The following CAMK1D variants were observed in gnomAD, a reference collection of about 807,000 sequenced individuals.
The protein encoded by CAMK1D is calcium/calmodulin-dependent protein kinase type 1D.
CAMK1D carries 9 observed loss-of-function variants against 47.7 expected under a neutral mutation model. The ratio of observed to expected loss-of-function variants is 0.19; its 90% confidence interval spans 0.11 to 0.33. CAMK1D has a LOEUF of 0.33. Among genes scored for constraint, CAMK1D ranks in the 10% least tolerant of loss-of-function variants. The pLI, the probability that CAMK1D is intolerant of heterozygous loss-of-function variation, is 1.00. For missense variants in CAMK1D, 291 were observed against 488.7 expected, an observed-to-expected ratio of 0.60 and a Z score of 3.81; for synonymous variants, 184 against 184.9, an observed-to-expected ratio of 0.99 and a Z score of 0.04.
rs1466491879 is a variant in CAMK1D, at chr10:12,531,731, T to G, written c.93-21494T>G. Among the ~76,000 whole-genome samples, 3 of 152,236 alleles carry G rather than the reference T, an allele frequency of 2.0e-5. No homozygotes were observed. The East Asian group carries it at 5.8e-4, about 29-fold the overall frequency. On this transcript the variant is annotated intron_variant, in intron 1 of 10. Coordinates refer to ENST00000619168, the MANE Select transcript of CAMK1D (RefSeq NM_153498.4). ...ACTGAGGAATAAGACTTAAAACTGC[T>G]GTCCCCTGACATCGCCCGGCCTGTC...
intron 1 of CAMK1D, among the ~76,000 whole-genome samples, chr10:12,450,621 G>T (rs1350699834): frequency 6.6e-6 from 1 of 152,202 alleles, no homozygotes; most frequent in East Asian, 1.9e-4. Context: ...TTGTGTACTG[G>T]CCAGAGAGAA....
At chr10:12,435,929 T>G (rs1470708897) in intron 1 of CAMK1D, among the ~76,000 whole-genome samples, 1 of 152,184 alleles carries the variant, frequency 6.6e-6, no homozygotes, top group Non-Finnish European at 1.5e-5. Flanking sequence ...GATCAGATGC[T>G]AGAGCTTGCT....
intron 1 of CAMK1D, among the ~76,000 whole-genome samples, chr10:12,483,770 G>A (rs1020125616): frequency 4.0e-5 from 6 of 151,766 alleles, no homozygotes; most frequent in Admixed American, 2.6e-4. Flanking sequence ...CACTACAACC[G>A]CCGCCTCCCA....
chr10:12,773,634 T>G (rs976390996), intron 5 of CAMK1D, among the ~76,000 whole-genome samples: 3 of 152,240 alleles, frequency 2.0e-5, no homozygotes, highest in African/African-American at 7.2e-5. Context: ...GGCTCATGCC[T>G]GTAATCCCAG....
At chr10:12,827,755 C>T (rs1379468033) in intron 10 of CAMK1D, among the ~76,000 whole-genome samples, 1 of 151,568 alleles carries the variant, frequency 6.6e-6, no homozygotes, top group African/African-American at 2.4e-5. Context: ...GTGGCACAGT[C>T]ACGGCTCACT....
intron 2 of CAMK1D, among the ~76,000 whole-genome samples, chr10:12,605,682 C>T (rs1279116246): frequency 1.3e-5 from 2 of 152,160 alleles, no homozygotes; most frequent in Admixed American, 6.5e-5. Flanking sequence ...GAGGGGAGCC[C>T]TGGGGGCTGC....
intron 1 of CAMK1D, among the ~76,000 whole-genome samples, chr10:12,395,294 C>A (rs1838903280): frequency 1.3e-5 from 2 of 151,580 alleles, no homozygotes; most frequent in Non-Finnish European, 2.9e-5. Context: ...CTCAAGTGAT[C>A]CCCTTGACCT....
chr10:12,729,566 C>T (rs1834801813), intron 3 of CAMK1D, among the ~76,000 whole-genome samples: 1 of 152,056 alleles, frequency 6.6e-6, no homozygotes, highest in South Asian at 2.1e-4. Context: ...TGAGCCCGGG[C>T]TGCAGTGAGC....
intron 1 of CAMK1D, among the ~76,000 whole-genome samples, chr10:12,460,918 A>AT (rs1270326734): frequency 1.3e-5 from 2 of 152,182 alleles, no homozygotes; most frequent in Non-Finnish European, 2.9e-5. Context: ...GGACTAGCTG[A>AT]TTCAGAGCTT....
intron 3 of CAMK1D, among the ~76,000 whole-genome samples, chr10:12,732,224 GAGAA>G (rs1385041989): frequency 6.6e-6 from 1 of 152,174 alleles, no homozygotes; most frequent in Non-Finnish European, 1.5e-5. Context: ...CTGGGCAACA[GAGAA>G]AGACTCTGTC....
chr10:12,825,821 C>T (rs536917404), intron 10 of CAMK1D, 131 bp downstream of exon 10: 9 of 1,486,222 alleles, frequency 6.1e-6, no homozygotes, highest in South Asian at 5.2e-5. Context: ...CCATGTCATG[C>T]GACCCTAGGA....
intron 1 of CAMK1D, among the ~76,000 whole-genome samples, chr10:12,484,793 C>T (rs1047637294): frequency 6.9e-6 from 1 of 144,990 alleles, no homozygotes; most frequent in Admixed American, 7.1e-5. Context: ...GGAGAGGCCA[C>T]TCTGCAGCTG....
chr10:12,768,766 C>T (rs1231156077), intron 4 of CAMK1D, among the ~76,000 whole-genome samples: 1 of 151,882 alleles, frequency 6.6e-6, no homozygotes. Flanking sequence ...AGTGCAAGGA[C>T]AAGTCCAAGG....
intron 3 of CAMK1D, among the ~76,000 whole-genome samples, chr10:12,704,582 C>T (rs1437403972): frequency 1.3e-5 from 2 of 151,926 alleles, no homozygotes; most frequent in East Asian, 3.9e-4. Context: ...AGAAAGATTA[C>T]CCCAAGAATG....
intron 6 of CAMK1D, among the ~76,000 whole-genome samples, chr10:12,804,827 A>G (rs1195328667): frequency 6.8e-6 from 1 of 147,572 alleles, no homozygotes; most frequent in Non-Finnish European, 1.5e-5. Flanking sequence ...GGTTCCCACT[A>G]CTCAGGAAGT....
At chr10:12,530,647 G>C (rs1280475626) in intron 1 of CAMK1D, among the ~76,000 whole-genome samples, 1 of 152,176 alleles carries the variant, frequency 6.6e-6, no homozygotes, top group Non-Finnish European at 1.5e-5. Flanking sequence ...CGTGGCCTCG[G>C]GGTCTGGGGA....
intron 6 of CAMK1D, among the ~76,000 whole-genome samples, chr10:12,804,648 T>C (rs1838636576): frequency 6.6e-6 from 1 of 151,474 alleles, no homozygotes; most frequent in Non-Finnish European, 1.5e-5. Context: ...TAATGAAAGA[T>C]ACAGGCTGAG....
chr10:12,806,798 C>T (rs984254897), intron 6 of CAMK1D, among the ~76,000 whole-genome samples: 1 of 152,200 alleles, frequency 6.6e-6, no homozygotes, highest in African/African-American at 2.4e-5. Flanking sequence ...CCCAGCCAGC[C>T]AGCCATGCCA....
intron 2 of CAMK1D, among the ~76,000 whole-genome samples, chr10:12,652,406 C>T (rs996365094): frequency 3.5e-5 from 5 of 143,238 alleles, no homozygotes; most frequent in Admixed American, 7.1e-5. Context: ...ACGGTGAAAC[C>T]CCGTCACTAC....
Sources: gnomAD v4.1 joint callset for allele counts (sites outside exome capture counted in the v4.1 genomes callset) on GRCh38, gnomAD v4.1.1 for gene constraint, MANE v1.5 for transcripts, NCBI Gene and HGNC (gene_info 2026-07-23, HGNC 2026-07-21) for gene names.